PARD3B: variants seen among roughly 807,000 people sequenced by gnomAD.
The protein encoded by PARD3B is par-3 family cell polarity regulator beta.
In PARD3B, 103 loss-of-function variants were observed where a neutral mutation model predicts 130.2. The observed-to-expected ratio is 0.79, with a 90% CI of 0.67 to 0.93. PARD3B has a LOEUF of 0.93. Ranked by LOEUF, PARD3B falls within the 40% of genes least tolerant of loss-of-function variation. The probability of loss-of-function intolerance (pLI) is 0.00; values close to 1 mark genes in which losing one functional copy is unlikely to be tolerated. For missense variants in PARD3B, 1,609 were observed against 1,499.2 expected, an observed-to-expected ratio of 1.07 and a Z score of -1.21; for synonymous variants, 583 against 553.2, an observed-to-expected ratio of 1.05 and a Z score of -0.76.
intron 2 of PARD3B, among the ~76,000 whole-genome samples, chr2:204,743,822 G>A (rs1207414546): frequency 6.6e-6 from 1 of 152,072 alleles, no homozygotes; most frequent in Non-Finnish European, 1.5e-5. Context: ...ATGCTACTCA[G>A]CCAGTGGATG....
intron 18 of PARD3B, among the ~76,000 whole-genome samples, chr2:205,376,550 G>A (rs1487856918): frequency 6.6e-6 from 1 of 152,178 alleles, no homozygotes; most frequent in Non-Finnish European, 1.5e-5. Context: ...TTAGTCTGCT[G>A]GTTTCTGTCA....
intron 18 of PARD3B, among the ~76,000 whole-genome samples, chr2:205,393,595 AACAAG>A (rs1425468045): frequency 6.6e-6 from 1 of 152,214 alleles, no homozygotes; most frequent in Non-Finnish European, 1.5e-5. Context: ...AGCTATTTTG[AACAAG>A]AGTGAATGAA....
chr2:205,173,501 A>G (rs2035294434), intron 12 of PARD3B, among the ~76,000 whole-genome samples: 1 of 152,180 alleles, frequency 6.6e-6, no homozygotes, highest in Non-Finnish European at 1.5e-5. Context: ...CTTGATAAAT[A>G]TTGAGTGAAT....
At chr2:204,647,561 C>T (rs1331346087) in intron 1 of PARD3B, among the ~76,000 whole-genome samples, 1 of 151,662 alleles carries the variant, frequency 6.6e-6, no homozygotes, top group East Asian at 1.9e-4. Flanking sequence ...GAAAAATGGC[C>T]ATATTGCACT....
chr2:205,109,793 A>G (rs953231117), intron 5 of PARD3B, among the ~76,000 whole-genome samples: 2 of 151,634 alleles, frequency 1.3e-5, no homozygotes, highest in Admixed American at 1.3e-4. Context: ...AGCTGGGACT[A>G]CAAGTGTGTG....
intron 22 of PARD3B, among the ~76,000 whole-genome samples, chr2:205,611,863 G>A (rs548227951): frequency 1.1e-4 from 17 of 152,116 alleles, no homozygotes; most frequent in African/African-American, 3.6e-4. Context: ...AAAAATGAAA[G>A]GTCTTAAAAT....
intron 16 of PARD3B, among the ~76,000 whole-genome samples, chr2:205,275,453 G>T (rs1200110519): frequency 1.3e-5 from 2 of 152,074 alleles, no homozygotes; most frequent in Non-Finnish European, 1.5e-5. Context: ...AGTTGATAAT[G>T]ACTTCATAAT....
At chr2:205,053,021 G>T (rs6736058) in intron 4 of PARD3B, among the ~76,000 whole-genome samples, 97,086 of 151,890 alleles carry the variant, frequency 0.64, 31,700 homozygotes, top group Middle Eastern at 0.74. Context: ...CTTTTGGTAT[G>T]TTATCAGTGA....
intron 5 of PARD3B, among the ~76,000 whole-genome samples, chr2:205,106,481 A>ATGTGTGTGTG (rs202186761): frequency 6.8e-6 from 1 of 146,916 alleles, no homozygotes; most frequent in African/African-American, 2.5e-5. Flanking sequence ...TAAGAAATGT[A>ATGTGTGTGTG]TGTGTGTGTG....
At chr2:204,563,218 T>TCTCTCTCTCTCC (rs2031440516) in intron 1 of PARD3B, among the ~76,000 whole-genome samples, 1 of 13,136 alleles carries the variant, frequency 7.6e-5, no homozygotes, top group Non-Finnish European at 1.7e-4. Flanking sequence ...CTTCCCGCTG[T>TCTCTCTCTCTCC]CTCTCTCTCT....
At chr2:205,124,715 T>C (rs1016824709) in intron 9 of PARD3B, among the ~76,000 whole-genome samples, 1 of 152,174 alleles carries the variant, frequency 6.6e-6, no homozygotes, top group South Asian at 2.1e-4. Context: ...TTTCTGATCT[T>C]CCCTCTCTTA....
intron 2 of PARD3B, among the ~76,000 whole-genome samples, chr2:204,802,797 C>T (rs1303820490): frequency 3.3e-5 from 5 of 151,912 alleles, no homozygotes; most frequent in African/African-American, 1.2e-4. Context: ...ACAATGAGAA[C>T]ATATGGACAC....
In PARD3B at chr2:205,013,737, T is replaced by C. The variant is rs111255369; in HGVS notation, c.395-33844T>C. Among the ~76,000 whole-genome samples, 96 of 152,304 alleles carry C rather than the reference T, an allele frequency of 6.3e-4. 1 individual carries two copies. The highest frequency in any genetic ancestry group is 2.0e-3 in the African/African-American group (84 of 41,568). On this transcript the variant is annotated intron_variant, in intron 3 of 22. Transcript: ENST00000406610. ...CTGTGAAGCAGCATCTGCAGGTCTGTGGTCAGCGCTGGAGGTTGAAAACCA... is the reference window on the plus strand; with the variant it reads ...CTGTGAAGCAGCATCTGCAGGTCTGCGGTCAGCGCTGGAGGTTGAAAACCA...
At chr2:204,807,667 C>T (rs544815591) in intron 2 of PARD3B, among the ~76,000 whole-genome samples, 10 of 152,146 alleles carry the variant, frequency 6.6e-5, no homozygotes, top group Admixed American at 3.3e-4. Flanking sequence ...TAAAAAAGAA[C>T]GAAAGCCTAT....
chr2:205,055,773 A>G (rs1248387017), intron 4 of PARD3B, among the ~76,000 whole-genome samples: 2 of 152,160 alleles, frequency 1.3e-5, no homozygotes, highest in African/African-American at 4.8e-5. Context: ...AGTGTTCATA[A>G]CCAGTCATGC....
Position 205,015,943 on chromosome 2 carries a change from G to A in PARD3B, c.395-31638G>A, listed in dbSNP as rs1378283425. ...CCTAGACCGTTTCTGCACTCCACCT[G>A]AGGCCACCACTCCCAACAGTTACAC... On this transcript the variant is annotated intron_variant, in intron 3 of 22. Coordinates refer to ENST00000406610, the MANE Select transcript of PARD3B (RefSeq NM_001302769.2). This position sits in a 1 kb window ranked among gnomAD's most constrained non-coding sequence, Gnocchi z 4.5. 6.6e-6 allele frequency among the ~76,000 whole-genome samples: 1 copy of A among 152,128 alleles called. No individual in the cohort carries two copies. Among genetic ancestry groups the A allele is most frequent in the Non-Finnish European group, 1.5e-5 (1 of 68,034 alleles).
At chr2:205,193,858 C>T (rs1162809070) in intron 15 of PARD3B, among the ~76,000 whole-genome samples, 1 of 152,188 alleles carries the variant, frequency 6.6e-6, no homozygotes, top group African/African-American at 2.4e-5. Flanking sequence ...AAAAGGGTCT[C>T]TTGGGCGTGC....
chr2:204,691,196 G>A (rs1251527815), intron 2 of PARD3B, among the ~76,000 whole-genome samples: 3 of 152,002 alleles, frequency 2.0e-5, no homozygotes, highest in African/African-American at 7.2e-5. Context: ...ATTTTCTTTG[G>A]TAATTGCCAT....
chr2:205,148,735 A>T (rs73982710), intron 10 of PARD3B, among the ~76,000 whole-genome samples: 8,843 of 146,456 alleles, frequency 0.06, 503 homozygotes, highest in African/African-American at 0.16. Flanking sequence ...TTCTTTTTTT[A>T]AAAAAAAAAA....
Sources: gnomAD v4.1 joint callset for allele counts (sites outside exome capture counted in the v4.1 genomes callset) on GRCh38, gnomAD v4.1.1 for gene constraint, Gnocchi (gnomAD v3.1) non-coding constraint, MANE v1.5 for transcripts, NCBI Gene and HGNC (gene_info 2026-07-23, HGNC 2026-07-21) for gene names.